WDR17: variants seen among roughly 807,000 people sequenced by gnomAD.
The protein encoded by WDR17 is WD repeat-containing protein 17.
Under a neutral mutation model 161.7 loss-of-function variants are expected in WDR17, and 143 were observed. The ratio of observed to expected loss-of-function variants is 0.88; its 90% CI spans 0.77 to 1.02. The LOEUF is 1.02. Ranked by LOEUF, WDR17 falls within the 50% of genes least tolerant of loss-of-function variation. The pLI is 0.00. For missense variants in WDR17, 1,469 were observed against 1,520.9 expected (o/e 0.97, Z 0.57); for synonymous variants, 517 against 515.6 (o/e 1.00, Z -0.04).
chr4:176,123,686 C>T (rs779437504), intron 4 of WDR17, among the ~76,000 whole-genome samples: 6 of 152,204 alleles, frequency 3.9e-5, no homozygotes, highest in Non-Finnish European at 7.3e-5. Context: ...GCATGCCGCC[C>T]TCCAGGAGCC....
chr4:176,179,374 A>T (rs1189388564), intron 28 of WDR17, 86 bp from the exon 29 acceptor site: 1 of 1,244,690 alleles, frequency 8.0e-7, no homozygotes, highest in Non-Finnish European at 1.0e-6. Flanking sequence ...GTTTTTTTTT[A>T]TTGCAGTGAT....
chr4:176,155,716 A>ATATATATATATAT (rs1748001291), intron 17 of WDR17, among the ~76,000 whole-genome samples: 1 of 130,294 alleles, frequency 7.7e-6, no homozygotes, highest in African/African-American at 3.0e-5. Flanking sequence ...GACTAATTAA[A>ATATATATATATAT]ATATATATAT....
chr4:176,076,400 C>T (rs114370979), intron 1 of WDR17, among the ~76,000 whole-genome samples: 4,120 of 101,364 alleles, frequency 0.041, 190 homozygotes, highest in African/African-American at 0.12. Flanking sequence ...AATGAGTTGT[C>T]GTTGTTGGTT....
Position 176,173,256 on chromosome 4 carries a change from A to G in WDR17, c.3245-11A>G. Reference sequence around the variant, plus strand: ...ATTTAATGAATCTTCCATCTGGTTTAATTTTTCCAGAATACATCAGTAGCT... The same window carrying G: ...ATTTAATGAATCTTCCATCTGGTTTGATTTTTCCAGAATACATCAGTAGCT... On this transcript the variant is annotated splice_polypyrimidine_tract_variant and intron_variant, in intron 24 of 28. Transcript: ENST00000508596. 1 of 1,570,266 alleles carries G rather than the reference A, an allele frequency of 6.4e-7. No individual in the cohort carries two copies. Among genetic ancestry groups the G allele is most frequent in the Non-Finnish European group, 8.7e-7 (1 of 1,154,518 alleles).
At position 176,128,849 on chromosome 4, in the gene WDR17, C is replaced by T; in HGVS notation, c.902C>T (p.Pro301Leu). The T allele has an allele frequency of 1.9e-6, 3 of 1,562,748 alleles. No homozygotes were observed. The South Asian group carries it at 3.7e-5, about 19-fold the overall frequency. ...TGCTTACATGTACTTAATTCTCCTC[C>T]AAGAAAAAAGTGTAAGTAAAAATGT... ...FHCLHVLNSPPRKKFSVQSPT... is the reference protein window; with the variant it reads ...FHCLHVLNSPLRKKFSVQSPT... Residue 301 changes from proline (P) to leucine (L), a missense_variant, in exon 6 of 29, where the codon CCA (proline) becomes CTA (leucine). Pro to Leu is a moderately conservative substitution (Grantham distance 98). Coordinates refer to ENST00000508596, the MANE Select transcript of WDR17 (RefSeq NM_181265.4).
chr4:176,134,811 T>C (rs1050939294), intron 7 of WDR17, among the ~76,000 whole-genome samples: 4 of 151,652 alleles, frequency 2.6e-5, no homozygotes, highest in African/African-American at 9.7e-5. Flanking sequence ...ATAGAAAATA[T>C]CTTTTGCACT....
Position 176,178,886 on chromosome 4 carries a change from C to T in WDR17, c.3733-574C>T, listed in dbSNP as rs146270570. Among the ~76,000 whole-genome samples, 201 of 152,276 alleles carry T rather than the reference C, an allele frequency of 1.3e-3. 3 individuals carry two copies. The East Asian group carries it at 0.028, about 21-fold the overall frequency. On this transcript the variant is annotated intron_variant, in intron 28 of 28. Transcript: ENST00000508596. ...TAGGTAATATAGACTGAAAACATTT[C>T]ACATTTAGTTCTTTATAACTACCCT... is the stretch of plus-strand genomic sequence containing the variant.
chr4:176,113,660 G>A (rs1035581300), intron 2 of WDR17, among the ~76,000 whole-genome samples: 5 of 152,044 alleles, frequency 3.3e-5, no homozygotes, highest in African/African-American at 1.2e-4. Context: ...ACAGTGCTTT[G>A]AAAATTATGC....
chr4:176,096,490 C>G, intron 1 of WDR17: 1 of 1,580,538 alleles, frequency 6.3e-7, no homozygotes, highest in African/African-American at 1.4e-5. Context: ...GCCGAGTTTC[C>G]AATTGCCTTG....
intron 27 of WDR17, 54 bp downstream of exon 27, chr4:176,177,210 C>A: frequency 6.8e-7 from 1 of 1,478,538 alleles, no homozygotes; most frequent in East Asian, 2.3e-5. Flanking sequence ...ATGTTATAGA[C>A]AAACTTGTTG....
At chr4:176,118,833 C>T (rs1031156172) in intron 3 of WDR17, among the ~76,000 whole-genome samples, 4 of 151,406 alleles carry the variant, frequency 2.6e-5, no homozygotes, top group East Asian at 1.9e-4. Flanking sequence ...TGGTGGCGGG[C>T]GCCTGTAGTC....
chr4:176,104,918 G>T (rs116470317), intron 1 of WDR17, among the ~76,000 whole-genome samples: 65 of 151,958 alleles, frequency 4.3e-4, no homozygotes, highest in African/African-American at 1.3e-3. Context: ...TGGATATTAA[G>T]CTCTTCAAAC....
At chr4:176,135,806 C>T (rs947544510) in intron 8 of WDR17, among the ~76,000 whole-genome samples, 2 of 151,518 alleles carry the variant, frequency 1.3e-5, no homozygotes, top group African/African-American at 4.8e-5. Flanking sequence ...CTGACATTTT[C>T]TCCCAAAACA....
intron 1 of WDR17, among the ~76,000 whole-genome samples, chr4:176,090,853 T>C (rs1736031699): frequency 6.6e-6 from 1 of 152,174 alleles, no homozygotes; most frequent in South Asian, 2.1e-4. Flanking sequence ...AAGTATTCCT[T>C]ACAGGAAACA....
intron 1 of WDR17, among the ~76,000 whole-genome samples, chr4:176,066,759 A>G (rs866281311): frequency 2.7e-5 from 4 of 150,656 alleles, no homozygotes; most frequent in African/African-American, 7.4e-5. Flanking sequence ...GCATATTAAT[A>G]TATACATATA....
chr4:176,077,005 A>G (rs538549210), intron 1 of WDR17, among the ~76,000 whole-genome samples: 2 of 152,114 alleles, frequency 1.3e-5, no homozygotes, highest in South Asian at 4.1e-4. Context: ...TTTTCCTGAG[A>G]TGGAACTTTC....
chr4:176,150,765 A>G (rs368191012), intron 16 of WDR17, among the ~76,000 whole-genome samples, 172 bp downstream of exon 16: 30 of 152,344 alleles, frequency 2.0e-4, no homozygotes, highest in African/African-American at 7.0e-4. Context: ...TTACTTGAGA[A>G]CAGATTAAGT....
At chr4:176,093,998 T>C (rs1221648510) in intron 1 of WDR17, among the ~76,000 whole-genome samples, 1 of 152,202 alleles carries the variant, frequency 6.6e-6, no homozygotes, top group Admixed American at 6.5e-5. Flanking sequence ...GCTCTATGAA[T>C]ACGGTATTTT....
intron 1 of WDR17, among the ~76,000 whole-genome samples, chr4:176,101,383 T>C (rs1235703391): frequency 1.3e-5 from 2 of 152,118 alleles, no homozygotes; most frequent in African/African-American, 2.4e-5. Flanking sequence ...TTTTATGTAG[T>C]TCATCATGTG....
Sources: gnomAD v4.1 joint callset for allele counts (sites outside exome capture counted in the v4.1 genomes callset) on GRCh38, gnomAD v4.1.1 for gene constraint, MANE v1.5 for transcripts, NCBI Gene and HGNC (gene_info 2026-07-23, HGNC 2026-07-21) for gene names.